The following NTNG1 variants were observed in gnomAD, a reference collection of about 807,000 sequenced individuals.
NTNG1 encodes netrin-G1.
NTNG1 carries 16 observed loss-of-function variants against 54.0 expected under a neutral mutation model. The ratio of observed to expected loss-of-function variants is 0.30; its 90% CI spans 0.20 to 0.45. NTNG1 has a LOEUF of 0.45. Among genes scored for constraint, NTNG1 ranks in the 20% least tolerant of loss-of-function variants. NTNG1 has a pLI of 1.00. For synonymous variants in NTNG1, 255 were observed against 263.1 expected (o/e 0.97, Z 0.30); for missense variants, 530 against 678.7 (o/e 0.78, Z 2.43).
chr1:107,261,642 G>A (rs898748152), intron 2 of NTNG1, among the ~76,000 whole-genome samples: 8 of 152,172 alleles, frequency 5.3e-5, no homozygotes, highest in Non-Finnish European at 1.2e-4. Context: ...AGGAGATCGA[G>A]ACCATCCTGG....
At chr1:107,255,611 A>G (rs1483617226) in intron 2 of NTNG1, among the ~76,000 whole-genome samples, 1 of 152,214 alleles carries the variant, frequency 6.6e-6, no homozygotes, top group African/African-American at 2.4e-5. Context: ...CTTTGAAGAT[A>G]CCTGTCTATG....
intron 2 of NTNG1, among the ~76,000 whole-genome samples, chr1:107,222,511 A>G (rs894573356): frequency 3.3e-5 from 5 of 152,150 alleles, no homozygotes; most frequent in Non-Finnish European, 7.4e-5. Context: ...AGTGCCTGTA[A>G]TATAATTAAG....
chr1:107,386,060 A>T (rs988027690), intron 3 of NTNG1, among the ~76,000 whole-genome samples: 2 of 141,040 alleles, frequency 1.4e-5, no homozygotes, highest in Non-Finnish European at 3.0e-5. Context: ...CATATGAAGG[A>T]AACTGTATAT....
At chr1:107,294,733 A>G (rs1483112466) in intron 2 of NTNG1, among the ~76,000 whole-genome samples, 1 of 152,120 alleles carries the variant, frequency 6.6e-6, no homozygotes. Flanking sequence ...CTTTACAGAG[A>G]TTAGTGAGAG....
At chr1:107,320,233 C>T (rs971081865) in intron 2 of NTNG1, among the ~76,000 whole-genome samples, 1 of 152,076 alleles carries the variant, frequency 6.6e-6, no homozygotes, top group Non-Finnish European at 1.5e-5. Context: ...ATTATCAGCA[C>T]AGTCATAAAT....
At chr1:107,437,548 G>A (rs1675682002) in intron 7 of NTNG1, among the ~76,000 whole-genome samples, 1 of 152,054 alleles carries the variant, frequency 6.6e-6, no homozygotes, top group Admixed American at 6.6e-5. Context: ...TTCATCTATA[G>A]ACAGGTATTT....
chr1:107,239,803 G>T (rs929644647), intron 2 of NTNG1, among the ~76,000 whole-genome samples: 1 of 152,028 alleles, frequency 6.6e-6, no homozygotes, highest in Non-Finnish European at 1.5e-5. Flanking sequence ...AAAAAAAAAT[G>T]TCCTTGATAG....
chr1:107,192,889 T>C (rs1410373259), intron 2 of NTNG1, among the ~76,000 whole-genome samples: 3 of 152,078 alleles, frequency 2.0e-5, no homozygotes, highest in Non-Finnish European at 2.9e-5. Context: ...ACTACTGTGA[T>C]TTCCTGAAAA....
chr1:107,152,030 A>G (rs908027732), intron 2 of NTNG1, among the ~76,000 whole-genome samples: 2 of 150,148 alleles, frequency 1.3e-5, no homozygotes, highest in Admixed American at 1.3e-4. Flanking sequence ...ACATATATAT[A>G]TACATACATA....
intron 3 of NTNG1, among the ~76,000 whole-genome samples, chr1:107,335,012 A>G (rs1668498954): frequency 6.6e-6 from 1 of 152,020 alleles, no homozygotes; most frequent in Middle Eastern, 3.2e-3. Flanking sequence ...TCAGGCTTTA[A>G]CCAATAGTCC....
At chr1:107,271,341 A>G (rs1664132570) in intron 2 of NTNG1, among the ~76,000 whole-genome samples, 1 of 152,196 alleles carries the variant, frequency 6.6e-6, no homozygotes, top group Admixed American at 6.5e-5. Context: ...TAATCACACA[A>G]ACCAGTTAGA....
rs74110919 is a variant in NTNG1 at position 107,467,845 on chromosome 1, T to C, written c.1391-12766T>C. On this transcript the variant is annotated intron_variant, in intron 7 of 7. Coordinates refer to ENST00000370068, the MANE Select transcript of NTNG1 (RefSeq NM_001113226.3). ...CAGTAGCAAATATACTTTTGAAAATTAGCAGTCATTTTTACTTGGAATCAG... is the reference window on the plus strand; with the variant it reads ...CAGTAGCAAATATACTTTTGAAAATCAGCAGTCATTTTTACTTGGAATCAG... Among the ~76,000 whole-genome samples the C allele has an allele frequency of 5.5e-3, 838 of 152,344 alleles. 9 individuals carry two copies. Among genetic ancestry groups the C allele is most frequent in the African/African-American group, 0.02 (812 of 41,590 alleles).
chr1:107,179,057 T>C (rs1434759578), intron 2 of NTNG1, among the ~76,000 whole-genome samples: 1 of 152,276 alleles, frequency 6.6e-6, no homozygotes, highest in East Asian at 1.9e-4. Flanking sequence ...CCTCCTTTTT[T>C]AGCCCTGCCC....
At chr1:107,457,043 T>C (rs1349126466) in intron 7 of NTNG1, among the ~76,000 whole-genome samples, 1 of 152,242 alleles carries the variant, frequency 6.6e-6, no homozygotes, top group African/African-American at 2.4e-5. Context: ...TAACCACTAG[T>C]ACAACTAGGT....
intron 7 of NTNG1, among the ~76,000 whole-genome samples, chr1:107,448,860 C>T (rs1055937322): frequency 2.0e-5 from 3 of 151,924 alleles, no homozygotes; most frequent in African/African-American, 7.3e-5. Context: ...TTCATCCCTA[C>T]AATTTAAAAG....
chr1:107,218,034 A>G (rs1018258254), intron 2 of NTNG1, among the ~76,000 whole-genome samples: 2 of 152,154 alleles, frequency 1.3e-5, no homozygotes, highest in African/African-American at 2.4e-5. Flanking sequence ...TAGTGCTGTC[A>G]GTGGAGCACT....
At chr1:107,447,941 C>T (rs1676403149) in intron 7 of NTNG1, among the ~76,000 whole-genome samples, 1 of 152,076 alleles carries the variant, frequency 6.6e-6, no homozygotes, top group African/African-American at 2.4e-5. Flanking sequence ...CATTAATTCA[C>T]AAATCATTTA....
intron 7 of NTNG1, among the ~76,000 whole-genome samples, chr1:107,474,670 T>A (rs1899776): frequency 0.28 from 43,009 of 152,174 alleles, 6,526 homozygotes; most frequent in South Asian, 0.4. Context: ...GGCTCACATC[T>A]TGTAATGGCC....
chr1:107,413,593 G>T (rs1473256636), intron 5 of NTNG1, among the ~76,000 whole-genome samples: 2 of 151,966 alleles, frequency 1.3e-5, no homozygotes, highest in Non-Finnish European at 2.9e-5. Context: ...TTTAAGTAAG[G>T]TTCACTAACA....
Sources: allele counts gnomAD v4.1 joint callset (sites outside exome capture counted in the v4.1 genomes callset), GRCh38; gene constraint gnomAD v4.1.1; transcripts MANE v1.5; gene names NCBI Gene and HGNC (gene_info 2026-07-23, HGNC 2026-07-21).